The following BRCA2 variants were observed in gnomAD, a reference collection of about 807,000 sequenced individuals.
BRCA2 encodes the protein breast cancer type 2 susceptibility protein.
BRCA2 carries 203 observed loss-of-function variants against 276.7 expected under a neutral mutation model. The ratio of observed to expected loss-of-function variants is 0.73; its 90% confidence interval spans 0.65 to 0.82. The LOEUF (loss-of-function observed/expected upper bound fraction) is 0.82, where lower values mean the gene tolerates loss of function less well. BRCA2 is among the 40% of genes least tolerant of loss of function. BRCA2 has a pLI of 0.00. For missense variants in BRCA2, 3,920 were observed against 3,915.0 expected, an observed-to-expected ratio of 1.00 and a Z score of -0.03; for synonymous variants, 1,289 against 1,338.4, an observed-to-expected ratio of 0.96 and a Z score of 0.81.
rs760635334 is a variant in BRCA2, at chr13:32,379,730, T to C, written c.8954-20T>C. 5 of 1,603,690 alleles carry C rather than the reference T, an allele frequency of 3.1e-6. No individual in the cohort carries two copies. In the South Asian group the frequency reaches 5.5e-5, roughly 18 times the overall value. On this transcript the variant is annotated intron_variant, in intron 22 of 26. Transcript: ENST00000380152. ...ATAATCACTTCTTCCATTGCATCTT[T>C]CTCATCTTTCTCCAAACAGTTATAC...
intron 13 of BRCA2, among the ~76,000 whole-genome samples, chr13:32,347,779 A>G (rs1018977138): frequency 1.3e-5 from 2 of 152,226 alleles, no homozygotes; most frequent in African/African-American, 4.8e-5. Context: ...GAAAAGACCA[A>G]AAAATACTGA....
At chr13:32,365,262 A>G (rs185067056) in intron 18 of BRCA2, among the ~76,000 whole-genome samples, 1 of 151,706 alleles carries the variant, frequency 6.6e-6, no homozygotes, top group African/African-American at 2.4e-5. Flanking sequence ...TTAGCCTCCG[A>G]GAGTGCTGGG....
chr13:32,366,142 G>A lies in BRCA2; in HGVS notation c.8331+2609G>A, dbSNP rs113088803. Reference sequence around the variant, plus strand: ...TCAAATGAAAGCAAAGAACTTAAGTGTGTTTTCAATTAGAGCATAATCATA... The same window carrying A: ...TCAAATGAAAGCAAAGAACTTAAGTATGTTTTCAATTAGAGCATAATCATA... On this transcript the variant is annotated intron_variant, in intron 18 of 26. Transcript: ENST00000380152. 7.4e-3 allele frequency among the ~76,000 whole-genome samples: 1,128 copies of A among 152,248 alleles called. 12 individuals carry two copies. Among genetic ancestry groups the A allele is most frequent in the African/African-American group, 0.025 (1,052 of 41,546 alleles).
chr13:32,361,043 A>G (rs1380075837), intron 16 of BRCA2, among the ~76,000 whole-genome samples: 1 of 152,154 alleles, frequency 6.6e-6, no homozygotes, highest in Non-Finnish European at 1.5e-5. Flanking sequence ...CCAAGTGGAG[A>G]TGTTAGGTAG....
intron 15 of BRCA2, among the ~76,000 whole-genome samples, chr13:32,357,490 A>G (rs2072705777): frequency 6.6e-6 from 1 of 152,222 alleles, no homozygotes; most frequent in South Asian, 2.1e-4. Flanking sequence ...GTACCTTCCT[A>G]TGGCAGATTT....
intron 18 of BRCA2, among the ~76,000 whole-genome samples, chr13:32,367,999 T>TTC (rs2072796575): frequency 3.0e-4 from 35 of 116,952 alleles, no homozygotes; most frequent in Non-Finnish European, 5.7e-4. Flanking sequence ...TTTCTTCTAA[T>TTC]TCTTTTTTTT....
At chr13:32,333,514 A>G in intron 10 of BRCA2, 127 bp downstream of exon 10, 1 of 1,066,032 alleles carries the variant, frequency 9.4e-7, no homozygotes, top group Non-Finnish European at 1.4e-6. Flanking sequence ...ATCTGTATAC[A>G]TGATTGTTTA....
intron 16 of BRCA2, among the ~76,000 whole-genome samples, chr13:32,360,506 C>T (rs1040640890): frequency 3.3e-5 from 5 of 152,088 alleles, no homozygotes; most frequent in South Asian, 2.1e-4. Flanking sequence ...ACTACAGGCG[C>T]GCACCACCGT....
chr13:32,399,352 A>G lies in BRCA2; in HGVS notation c.*582A>G, dbSNP rs1266271754. 2 of 191,764 alleles carry G rather than the reference A, an allele frequency of 1.0e-5. No homozygotes were observed. The highest frequency in any genetic ancestry group is 2.2e-5 in the Non-Finnish European group (2 of 91,776). The allele number at this position is 191,764 out of a possible 1,614,324, so 11.9% of individuals were successfully genotyped here. On this transcript the variant is annotated 3_prime_UTR_variant, in exon 27 of 27. Transcript: ENST00000380152. ...TTTTTTAGAGGTAACTCACTATGAAATAGTTCTCCTTAATGCAAATATGTT... is the reference window on the plus strand; with the variant it reads ...TTTTTTAGAGGTAACTCACTATGAAGTAGTTCTCCTTAATGCAAATATGTT...
In BRCA2 at chr13:32,363,286, C is replaced by T. The variant is rs80359048; in HGVS notation, c.8084C>T (p.Ser2695Leu). The change falls in exon 18 of 27, where the codon TCA becomes TTA. Residue 2695 changes from serine (S) to leucine (L), a missense_variant. Physicochemically the swap from Ser to Leu is moderately radical, Grantham distance 145. Coordinates refer to ENST00000380152, the MANE Select transcript of BRCA2 (RefSeq NM_000059.4). Reference sequence around the variant, plus strand: ...GTTCTCTGTGTTTCTGACATAATTTCATTGAGCGCAAATATATCTGAAACT... The same window carrying T: ...GTTCTCTGTGTTTCTGACATAATTTTATTGAGCGCAAATATATCTGAAACT... Reference protein sequence around the residue: ...TLVLCVSDIISLSANISETSS... With the variant: ...TLVLCVSDIILLSANISETSS... 8 of 1,614,160 alleles carry T rather than the reference C, an allele frequency of 5.0e-6. No homozygotes were observed. Among genetic ancestry groups the T allele is most frequent in the Non-Finnish European group, 6.8e-6 (8 of 1,180,002 alleles).
intron 12 of BRCA2, among the ~76,000 whole-genome samples, chr13:32,344,897 G>A (rs1409626478): frequency 6.6e-6 from 1 of 152,094 alleles, no homozygotes; most frequent in African/African-American, 2.4e-5. Context: ...GTTAAAATTA[G>A]TAATATTATG....
At chr13:32,319,474 G>C in intron 3 of BRCA2, 149 bp downstream of exon 3, 2 of 781,668 alleles carry the variant, frequency 2.6e-6, no homozygotes, top group Non-Finnish European at 4.1e-6. Context: ...AAATGGAGAC[G>C]ATGAAAATAA....
chr13:32,319,857 A>G (rs1332213968), intron 3 of BRCA2, among the ~76,000 whole-genome samples: 1 of 152,242 alleles, frequency 6.6e-6, no homozygotes, highest in African/African-American at 2.4e-5. Flanking sequence ...AGTAAGGGGA[A>G]TAAAGAGTAC....
At chr13:32,360,695 T>C (rs2072732555) in intron 16 of BRCA2, among the ~76,000 whole-genome samples, 1 of 152,014 alleles carries the variant, frequency 6.6e-6, no homozygotes, top group East Asian at 1.9e-4. Context: ...TTCTGGCTGT[T>C]TGTTGAGGAG....
At chr13:32,359,694 T>G (rs910192198) in intron 16 of BRCA2, among the ~76,000 whole-genome samples, 9 of 152,212 alleles carry the variant, frequency 5.9e-5, no homozygotes, top group African/African-American at 2.2e-4. Context: ...AACATCTGCT[T>G]ATAGATTCCA....
Position 32,338,855 on chromosome 13 carries a change from A to C in BRCA2, c.4500A>C (p.Gly1500=), listed in dbSNP as rs1230223847. 1 of 1,613,792 alleles carries C rather than the reference A, an allele frequency of 6.2e-7. No individual in the cohort carries two copies. Among genetic ancestry groups the C allele is most frequent in the African/African-American group, 1.3e-5 (1 of 74,940 alleles). ...ILKESVPVGT[G]NQLVTFQGQP... The stretch of plus-strand genomic sequence containing the variant: ...AAGAAAGTGTCCCAGTTGGTACTGG[A>C]AATCAACTAGTGACCTTCCAGGGAC... The change falls in exon 11 of 27, where the codon GGA becomes GGC. Residue 1500 remains glycine (G), a synonymous_variant. Coordinates refer to ENST00000380152, the MANE Select transcript of BRCA2 (RefSeq NM_000059.4).
At chr13:32,329,264 A>C (rs2072371135) in intron 7 of BRCA2, among the ~76,000 whole-genome samples, 179 bp from the exon 8 acceptor site, 2 of 152,204 alleles carry the variant, frequency 1.3e-5, no homozygotes, top group Non-Finnish European at 2.9e-5. Flanking sequence ...AAGTAAGTAT[A>C]GTTTATTCAC....
At chr13:32,359,856 C>T (rs2072727034) in intron 16 of BRCA2, among the ~76,000 whole-genome samples, 1 of 152,120 alleles carries the variant, frequency 6.6e-6, no homozygotes, top group African/African-American at 2.4e-5. Context: ...CTATTGAGCA[C>T]TTGCTATGTG....
chr13:32,339,708 A>G lies in BRCA2; in HGVS notation c.5353A>G (p.Thr1785Ala), dbSNP rs786202394. ...VLKNVEDQKN[T>A]SFSKVISNVK... is the part of the protein sequence containing the mutation. The stretch of plus-strand genomic sequence containing the variant: ...GAAGAATGTTGAAGATCAAAAAAAC[A>G]CTAGTTTTTCCAAAGTAATATCCAA... Residue 1785 changes from threonine (T) to alanine (A), a missense_variant, in exon 11 of 27, where the codon ACT becomes GCT. Transcript: ENST00000380152. The G allele has an allele frequency of 6.2e-7, 1 of 1,613,264 alleles. No homozygotes were observed. The highest frequency in any genetic ancestry group is 8.5e-7 in the Non-Finnish European group (1 of 1,179,344).
Sources: allele counts gnomAD v4.1 joint callset (sites outside exome capture counted in the v4.1 genomes callset), GRCh38; gene constraint gnomAD v4.1.1; transcripts MANE v1.5; gene names NCBI Gene and HGNC (gene_info 2026-07-23, HGNC 2026-07-21).